The following PDP1 variants were observed in gnomAD, a reference collection of about 807,000 sequenced individuals.
PDP1 encodes the protein pyruvate dehyrogenase phosphatase catalytic subunit 1.
PDP1 carries 14 observed loss-of-function variants against 37.1 expected under a neutral mutation model. The ratio of observed to expected loss-of-function variants is 0.38; its 90% confidence interval spans 0.25 to 0.59. The LOEUF (loss-of-function observed/expected upper bound fraction) is 0.59, where lower values mean the gene tolerates loss of function less well. Among genes scored for constraint, PDP1 ranks in the 20% least tolerant of loss-of-function variants. The pLI, the probability that PDP1 is intolerant of heterozygous loss-of-function variation, is 0.67. For synonymous variants in PDP1, 251 were observed against 243.3 expected (o/e 1.03, Z -0.29); for missense variants, 544 against 655.3 (o/e 0.83, Z 1.85).
At position 93,923,749 on chromosome 8, in the gene PDP1, A is replaced by G. The variant is rs1810361372; in HGVS notation, c.*76A>G. On this transcript the variant is annotated 3_prime_UTR_variant, in exon 2 of 2. Transcript: ENST00000297598. The surrounding 1 kb of genome is among the most constrained non-coding windows in gnomAD (Gnocchi z 4.3). ...GATTTTTTAAAAAGATACTACTATA[A>G]TAAACATTTCCAGTTGGTCATTCTA... The G allele has an allele frequency of 5.1e-6, 6 of 1,165,384 alleles. No homozygotes were observed. The Admixed American group carries it at 6.7e-5, about 13-fold the overall frequency. The allele number at this position is 1,165,384 out of a possible 1,614,324, so 72.2% of individuals were successfully genotyped here. A position where few individuals can be genotyped will look rare whatever the true frequency, so the allele number is the denominator to read the frequency against.
At chr8:93,917,545 G>C (rs866500947) in intron 1 of PDP1, among the ~76,000 whole-genome samples, 17 of 152,044 alleles carry the variant, frequency 1.1e-4, no homozygotes, top group Non-Finnish European at 2.1e-4. Flanking sequence ...GGCGGGCAGC[G>C]GGCGGGGCTG....
At chr8:93,921,488 CAT>C (rs1198530347) in intron 1 of PDP1, 1 of 304,636 alleles carries the variant, frequency 3.3e-6, no homozygotes. Context: ...CATAAATACA[CAT>C]ATGTTTGGCT....
chr8:93,923,067 T>C lies in PDP1; in HGVS notation c.1008T>C (p.Ser336=). 6.2e-7 allele frequency: 1 copy of C among 1,613,814 alleles called. No homozygotes were observed. The highest frequency in any genetic ancestry group is 8.5e-7 in the Non-Finnish European group (1 of 1,179,962). Residue 336 remains serine, a synonymous_variant, in exon 2 of 2, where the codon AGT becomes AGC. Coordinates refer to ENST00000297598, the MANE Select transcript of PDP1 (RefSeq NM_018444.4). The surrounding 1 kb of genome is among the most constrained non-coding windows in gnomAD (Gnocchi z 4.3). ...KLEHPKSEAK[S]VVKQDRLLGL... is the part of the protein sequence containing the mutation. ...AACATCCAAAGAGTGAGGCCAAGAG[T>C]GTCGTGAAACAGGATCGGCTGCTTG...
Position 93,923,482 on chromosome 8 carries a change from G to T in PDP1, c.1423G>T (p.Asp475Tyr), listed in dbSNP as rs749959908. ...AACCAAAATGTCCTCGGTATTTGAG[G>T]ATCAGAACGCAGCAACCCATCTCAT... ...RRTKMSSVFE[D>Y]QNAATHLIRH... is the part of the protein sequence containing the mutation. The change falls in exon 2 of 2, where the codon GAT becomes TAT. Residue 475 changes from aspartate to tyrosine, a missense_variant. Coordinates refer to ENST00000297598, the MANE Select transcript of PDP1 (RefSeq NM_018444.4). The surrounding 1 kb of genome is among the most constrained non-coding windows in gnomAD (Gnocchi z 4.3). 1.2e-6 allele frequency: 2 copies of T among 1,603,640 alleles called. No homozygotes were observed. The highest frequency in any genetic ancestry group is 1.7e-6 in the Non-Finnish European group (2 of 1,171,888).
In PDP1 at chr8:93,922,014, A is replaced by G; in HGVS notation, c.-44-2A>G. On this transcript the variant is annotated splice_acceptor_variant, in intron 1 of 1. Transcript: ENST00000297598. LOFTEE classifies it low-confidence loss of function (5UTR_SPLICE). This position sits in a 1 kb window ranked among gnomAD's most constrained non-coding sequence, Gnocchi z 4.0. ...TGTACATCTGTCTAATTTGCTGTCT[A>G]GGAATCCCAGTCAGAAGTTCCAGCC... The G allele has an allele frequency of 1.9e-6, 3 of 1,577,354 alleles. No individual in the cohort carries two copies. The highest frequency in any genetic ancestry group is 2.6e-6 in the Non-Finnish European group (3 of 1,156,900).
chr8:93,923,413 A>G lies in PDP1; in HGVS notation c.1354A>G (p.Lys452Glu), dbSNP rs773838560. 2 of 1,605,706 alleles carry G rather than the reference A, an allele frequency of 1.2e-6. No individual in the cohort carries two copies. The highest frequency in any genetic ancestry group is 2.2e-5 in the South Asian group (2 of 90,284). The change falls in exon 2 of 2, where the codon AAG becomes GAG. Residue 452 changes from lysine to glutamate, a missense_variant. Around this residue, in one of 5 missense-constraint regions of PDP1, gnomAD observed 159 missense variants for 165.5 expected, o/e 0.96. Coordinates refer to ENST00000297598, the MANE Select transcript of PDP1 (RefSeq NM_018444.4). The surrounding 1 kb of genome is among the most constrained non-coding windows in gnomAD (Gnocchi z 4.3). The stretch of plus-strand genomic sequence containing the variant: ...ACAGCCAATAGCTGTTGGTGGCTAC[A>G]AGGTGACTCTGGGACAGATGCATGG... ...HQQPIAVGGY[K>E]VTLGQMHGLL...
chr8:93,918,419 T>C (rs1357798528), intron 1 of PDP1, among the ~76,000 whole-genome samples: 2 of 152,182 alleles, frequency 1.3e-5, no homozygotes, highest in African/African-American at 4.8e-5. Context: ...ATTTGGTCCG[T>C]GGGTCTATTG....
At chr8:93,920,707 T>C in intron 1 of PDP1, 2 of 918,148 alleles carry the variant, frequency 2.2e-6, no homozygotes. Context: ...ACTGCTTCCC[T>C]GGAGCAAGTA....
Position 93,922,088 on chromosome 8 carries a change from C to T in PDP1, c.29C>T (p.Pro10Leu), listed in dbSNP as rs1265784802. The T allele has an allele frequency of 1.2e-6, 2 of 1,612,192 alleles. No homozygotes were observed. The highest frequency in any genetic ancestry group is 1.7e-5 in the Admixed American group (1 of 59,708). Reference sequence around the variant, plus strand: ...CCAGCACCAACTCAACTGTTTTTTCCTCTCATCCGTAACTGTGAACTGAGC... The same window carrying T: ...CCAGCACCAACTCAACTGTTTTTTCTTCTCATCCGTAACTGTGAACTGAGC... The part of the protein sequence containing the change: MPAPTQLFF[P>L]LIRNCELSRI... The change falls in exon 2 of 2, where the codon CCT (proline) becomes CTT (leucine). Residue 10 changes from proline (P) to leucine (L), a missense_variant. Pro to Leu is a moderately conservative substitution (Grantham distance 98, BLOSUM62 -3). Around this residue, in one of 5 missense-constraint regions of PDP1, gnomAD observed 342 missense variants for 414.0 expected, o/e 0.83. Transcript: ENST00000297598. The surrounding 1 kb of genome is among the most constrained non-coding windows in gnomAD (Gnocchi z 4.0).
Position 93,923,530 on chromosome 8 carries a change from G to A in PDP1, c.1471G>A (p.Glu491Lys), listed in dbSNP as rs1418312363. ...CATTCGCCACGCTGTGGGCAACAACGAGTTTGGGACTGTTGATCATGAGCG... is the reference window on the plus strand; with the variant it reads ...CATTCGCCACGCTGTGGGCAACAACAAGTTTGGGACTGTTGATCATGAGCG... The part of the protein sequence containing the change: ...HLIRHAVGNN[E>K]FGTVDHERLS... The change falls in exon 2 of 2, where the codon GAG becomes AAG. Residue 491 changes from glutamate to lysine, a missense_variant. By Grantham distance (56) the Glu-to-Lys change is moderately conservative. Coordinates refer to ENST00000297598, the MANE Select transcript of PDP1 (RefSeq NM_018444.4). The surrounding 1 kb of genome is among the most constrained non-coding windows in gnomAD (Gnocchi z 4.3). The A allele has an allele frequency of 3.1e-6, 5 of 1,608,412 alleles. No homozygotes were observed. The highest frequency in any genetic ancestry group is 3.4e-6 in the Non-Finnish European group (4 of 1,175,116).
chr8:93,917,909 A>T, intron 1 of PDP1: 1 of 1,613,934 alleles, frequency 6.2e-7, no homozygotes, highest in Non-Finnish European at 8.5e-7. Flanking sequence ...TTGTGATGAC[A>T]GGAGAATGTG....
chr8:93,923,961 G>C lies in PDP1; in HGVS notation c.*288G>C, dbSNP rs1810367592. 1 of 403,390 alleles carries C rather than the reference G, an allele frequency of 2.5e-6. No homozygotes were observed. The highest frequency in any genetic ancestry group is 4.9e-6 in the Non-Finnish European group (1 of 204,492). 25.0% of individuals were successfully genotyped at this position (403,390 alleles called of 1,614,324 possible). ...TCTTTTACCAACCTGAGAAAATTAG[G>C]ATGACCTGGCAAATAAGATCTTGAA... On this transcript the variant is annotated 3_prime_UTR_variant, in exon 2 of 2. Coordinates refer to ENST00000297598, the MANE Select transcript of PDP1 (RefSeq NM_018444.4). The surrounding 1 kb of genome is among the most constrained non-coding windows in gnomAD (Gnocchi z 4.3).
chr8:93,922,722 C>T lies in PDP1; in HGVS notation c.663C>T (p.Asp221=). The T allele has an allele frequency of 2.5e-6, 4 of 1,614,088 alleles. No individual in the cohort carries two copies. Among genetic ancestry groups the T allele is most frequent in the Non-Finnish European group, 3.4e-6 (4 of 1,179,974 alleles). ...GGACTTACTGGCAAGAGCTTATAGA[C>T]CTCAACACTGGTGAGTCGACTGATA... ...SLRTYWQELI[D]LNTGESTDID... The change falls in exon 2 of 2, where the codon GAC becomes GAT. Residue 221 remains aspartate, a synonymous_variant. Transcript: ENST00000297598. The surrounding 1 kb of genome is among the most constrained non-coding windows in gnomAD (Gnocchi z 4.0).
At position 93,922,496 on chromosome 8, in the gene PDP1, A is replaced by C; in HGVS notation, c.437A>C (p.His146Pro). The change falls in exon 2 of 2, where the codon CAT becomes CCT. Residue 146 changes from histidine to proline, a missense_variant. This residue lies in a region of PDP1 where 342 missense variants were observed against 414.0 expected (regional missense o/e 0.83). Coordinates refer to ENST00000297598, the MANE Select transcript of PDP1 (RefSeq NM_018444.4). The surrounding 1 kb of genome is among the most constrained non-coding windows in gnomAD (Gnocchi z 4.0). Reference sequence around the variant, plus strand: ...ATGCTTTTGGGGGTTTTTGATGGCCATGCAGGTTGTGCTTGTTCCCAGGCA... The same window carrying C: ...ATGCTTTTGGGGGTTTTTGATGGCCCTGCAGGTTGTGCTTGTTCCCAGGCA... ...RGMLLGVFDG[H>P]AGCACSQAVS... 1 of 1,614,102 alleles carries C rather than the reference A, an allele frequency of 6.2e-7. No homozygotes were observed. The highest frequency in any genetic ancestry group is 8.5e-7 in the Non-Finnish European group (1 of 1,180,028).
At chr8:93,918,437 G>T (rs563876235) in intron 1 of PDP1, among the ~76,000 whole-genome samples, 89 of 152,294 alleles carry the variant, frequency 5.8e-4, no homozygotes, top group African/African-American at 2.1e-3. Flanking sequence ...TTGATGGAGT[G>T]GAAAAAATGT....
Position 93,925,460 on chromosome 8 carries a change from AC to A in PDP1, c.*1790del, listed in dbSNP as rs753816030. On this transcript the variant is annotated 3_prime_UTR_variant, in exon 2 of 2. Transcript: ENST00000297598. ...TGAAATATGTGGACTGCTCTAGCAA[AC>A]CCTATTTTCAGCTACTATTTGAATA... is the stretch of plus-strand genomic sequence containing the variant. The A allele has an allele frequency of 6.6e-5, 11 of 166,568 alleles. No individual in the cohort carries two copies. The highest frequency in any genetic ancestry group is 1.6e-4 in the Non-Finnish European group (11 of 68,032). 10.3% of individuals were successfully genotyped at this position (166,568 alleles called of 1,614,324 possible).
At chr8:93,921,393 T>C in intron 1 of PDP1, 1 of 918,590 alleles carries the variant, frequency 1.1e-6, no homozygotes, top group Non-Finnish European at 1.3e-6. Flanking sequence ...GAATTTCTTT[T>C]TTTATTTAAT....
At chr8:93,920,733 T>A (rs1810242476) in intron 1 of PDP1, 1 of 919,864 alleles carries the variant, frequency 1.1e-6, no homozygotes, top group Non-Finnish European at 1.3e-6. Flanking sequence ...CTTTTTTTTT[T>A]TTTTTTAATG....
intron 1 of PDP1, 132 bp downstream of exon 1, chr8:93,917,211 A>T (rs1314165733): frequency 5.0e-6 from 1 of 198,672 alleles, no homozygotes; most frequent in African/African-American, 2.6e-5. Flanking sequence ...CGAGCCCTGG[A>T]GCGCCAGGTG....
Sources: allele counts gnomAD v4.1 joint callset (sites outside exome capture counted in the v4.1 genomes callset), GRCh38; gene constraint gnomAD v4.1.1; regional missense constraint gnomAD v4.1.1; non-coding constraint Gnocchi (gnomAD v3.1); transcripts MANE v1.5; gene names NCBI Gene and HGNC (gene_info 2026-07-23, HGNC 2026-07-21).